Variants in SBF1 observed in about 807,000 individuals in gnomAD.
SBF1 encodes the protein SET binding factor 1.
In SBF1, 65 loss-of-function variants were observed where a neutral mutation model predicts 215.8. The ratio of observed to expected loss-of-function variants is 0.30; its 90% CI spans 0.25 to 0.37. The LOEUF is 0.37. Ranked by LOEUF, SBF1 falls within the 10% of genes least tolerant of loss-of-function variation. SBF1 has a pLI of 1.00. For synonymous variants in SBF1, 1,410 were observed against 1,122.8 expected (o/e 1.26, Z -5.11); for missense variants, 2,634 against 2,667.8 (o/e 0.99, Z 0.28).
chr22:50,474,703 G>GCCCTCGA (rs1448760028), intron 1 of SBF1, 83 bp downstream of exon 1: 8 of 1,186,402 alleles, frequency 6.7e-6, no homozygotes, highest in Middle Eastern at 5.9e-4. Flanking sequence ...CCAGCCCCCG[G>GCCCTCGA]CCCTCGACCC....
rs766945594 is a variant in SBF1 at position 50,462,736 on chromosome 22, A to G, written c.1969-19T>C. ...TCAGCTTCTGCAGGAGCCAGGGGAG[A>G]AGGTCAGCTGGATGCAGCCAGGAAG... On this transcript the variant is annotated intron_variant, in intron 17 of 40. Transcript: ENST00000380817. 1.9e-6 allele frequency: 3 copies of G among 1,610,418 alleles called. No individual in the cohort carries two copies. The highest frequency in any genetic ancestry group is 2.5e-6 in the Non-Finnish European group (3 of 1,178,602).
At chr22:50,459,035 CAGG>C (rs796603046) in intron 28 of SBF1, among the ~76,000 whole-genome samples, 2 of 152,164 alleles carry the variant, frequency 1.3e-5, no homozygotes, top group Non-Finnish European at 2.9e-5. Flanking sequence ...TCAGGGCGGG[CAGG>C]AGGTCAGGGC....
At chr22:50,451,007 G>A (rs950673525) in intron 36 of SBF1, among the ~76,000 whole-genome samples, 1 of 151,952 alleles carries the variant, frequency 6.6e-6, no homozygotes, top group African/African-American at 2.4e-5. Flanking sequence ...TTTATCAGAT[G>A]GGGAATCTCT....
chr22:50,464,309 G>A lies in SBF1; in HGVS notation c.1749+20C>T, dbSNP rs767062628. 2.2e-5 allele frequency: 35 copies of A among 1,595,214 alleles called. No homozygotes were observed. Among genetic ancestry groups the A allele is most frequent in the Non-Finnish European group, 2.9e-5 (34 of 1,165,128 alleles). The stretch of plus-strand genomic sequence containing the variant: ...TGAAACCCGCTGCCCTGGCCCGGCT[G>A]GAGCCTGCACAGCCCTCACCTTCTT... On this transcript the variant is annotated intron_variant, in intron 15 of 40. Coordinates refer to ENST00000380817, the MANE Select transcript of SBF1 (RefSeq NM_002972.4).
At position 50,461,932 on chromosome 22, in the gene SBF1, C is replaced by T. The variant is rs756741514; in HGVS notation, c.2569+15G>A. 8.1e-6 allele frequency: 13 copies of T among 1,613,900 alleles called. No homozygotes were observed. The highest frequency in any genetic ancestry group is 1.0e-5 in the Non-Finnish European group (12 of 1,179,892). ...CACCCATCCAAGGGGGAATCACCAG[C>T]CCAAACCCCCGTACCTGGCACCATG... On this transcript the variant is annotated intron_variant, in intron 20 of 40. Transcript: ENST00000380817.
chr22:50,468,357 C>T lies in SBF1; in HGVS notation c.141+19G>A, dbSNP rs1443266856. 6.2e-7 allele frequency: 1 copy of T among 1,610,468 alleles called. No homozygotes were observed. Among genetic ancestry groups the T allele is most frequent in the Admixed American group, 1.7e-5 (1 of 59,904 alleles). Reference sequence around the variant, plus strand: ...CCCTCCCCACCTGCCAGCACCGTCTCAGCACGCCCCCAACTCACCAGCTCG... The same window carrying T: ...CCCTCCCCACCTGCCAGCACCGTCTTAGCACGCCCCCAACTCACCAGCTCG... On this transcript the variant is annotated intron_variant, in intron 2 of 40. Coordinates refer to ENST00000380817, the MANE Select transcript of SBF1 (RefSeq NM_002972.4).
chr22:50,471,278 C>T (rs12484202), intron 1 of SBF1, among the ~76,000 whole-genome samples: 76 of 152,350 alleles, frequency 5.0e-4, no homozygotes, highest in Admixed American at 4.1e-3. Flanking sequence ...AGAGCACTCC[C>T]TCCTGCACCA....
At chr22:50,456,424 G>C (rs768116434) in intron 30 of SBF1, 29 bp from the exon 31 acceptor site, 1 of 1,606,488 alleles carries the variant, frequency 6.2e-7, no homozygotes. Context: ...AGTCCCGTGA[G>C]ACACATGAGG....
Position 50,448,573 on chromosome 22 carries a change from T to C in SBF1, c.5121A>G (p.Ala1707=). Reference sequence around the variant, plus strand: ...CGTCTGGCCGGCCCTCGAGGCGCTGTGCAGCCTTCACCCGGTCCCAGGTGT... The same window carrying C: ...CGTCTGGCCGGCCCTCGAGGCGCTGCGCAGCCTTCACCCGGTCCCAGGTGT... ...WKDTWDRVKA[A]QRLEGRPDGR... The change falls in exon 37 of 41, where the codon GCA becomes GCG. Residue 1707 remains alanine, a synonymous_variant. Coordinates refer to ENST00000380817, the MANE Select transcript of SBF1 (RefSeq NM_002972.4). The C allele has an allele frequency of 6.2e-7, 1 of 1,612,148 alleles. No homozygotes were observed. Among genetic ancestry groups the C allele is most frequent in the Non-Finnish European group, 8.5e-7 (1 of 1,179,998 alleles).
chr22:50,453,604 G>T (rs537645098), intron 36 of SBF1, among the ~76,000 whole-genome samples: 2 of 152,074 alleles, frequency 1.3e-5, no homozygotes, highest in Non-Finnish European at 2.9e-5. Flanking sequence ...TGGCTAACAC[G>T]GTAAAACCCC....
chr22:50,451,166 CAAAAAAAAAAAAA>C (rs58188399), intron 36 of SBF1, among the ~76,000 whole-genome samples: 3 of 83,178 alleles, frequency 3.6e-5, no homozygotes, highest in East Asian at 4.0e-4. Context: ...CCCATCTCTA[CAAAAAAAAAAAAA>C]AAAAAAAAAA....
Position 50,456,239 on chromosome 22 carries a change from C to T in SBF1, c.4243G>A (p.Glu1415Lys). The change falls in exon 31 of 41, where the codon GAG becomes AAG. Residue 1415 changes from glutamate to lysine, a missense_variant. Physicochemically the swap from Glu to Lys is moderately conservative, Grantham distance 56. Coordinates refer to ENST00000380817, the MANE Select transcript of SBF1 (RefSeq NM_002972.4). ...PSPASFLRSL[E>K]DSEWLIQIHK... ...ACCTGGATCAGCCACTCTGAGTCCT[C>T]CAGTGAGCGCAGGAAGGAGGCTGGG... The T allele has an allele frequency of 6.2e-7, 1 of 1,612,230 alleles. No individual in the cohort carries two copies.
chr22:50,473,047 C>T (rs1244565863), intron 1 of SBF1, among the ~76,000 whole-genome samples: 4 of 152,198 alleles, frequency 2.6e-5, no homozygotes, highest in African/African-American at 9.7e-5. Flanking sequence ...GCCTGCACTA[C>T]GTGTGGCTCC....
At position 50,446,515 on chromosome 22, in the gene SBF1, T is replaced by G. The variant is rs901676557; in HGVS notation, c.*627A>C. 5.7e-5 allele frequency: 14 copies of G among 245,192 alleles called. No homozygotes were observed. Among genetic ancestry groups the G allele is most frequent in the African/African-American group, 3.2e-4 (14 of 44,166 alleles). 15.2% of individuals were successfully genotyped at this position (245,192 alleles called of 1,614,324 possible). A position where few individuals can be genotyped will look rare whatever the true frequency, so the allele number is the denominator to read the frequency against. On this transcript the variant is annotated 3_prime_UTR_variant, in exon 41 of 41. Coordinates refer to ENST00000380817, the MANE Select transcript of SBF1 (RefSeq NM_002972.4). The stretch of plus-strand genomic sequence containing the variant: ...AGCCTCTGTGAGGTCAGCTTCTGCA[T>G]CCCCTGGGTAGGGATGGGGGCTTCC...
chr22:50,454,553 A>G lies in SBF1; in HGVS notation c.5002T>C (p.Cys1668Arg). ...ATGGCGTCAGGCTGGGCCCGCGGGC[A>G]GCTGTCGTAACAGGGCCACACCACG... Reference protein sequence around the residue: ...RRVVWPCYDSCPRAQPDAISR... With the variant: ...RRVVWPCYDSRPRAQPDAISR... Residue 1668 changes from cysteine to arginine, a missense_variant, in exon 36 of 41, where the codon TGC (cysteine) becomes CGC (arginine). Coordinates refer to ENST00000380817, the MANE Select transcript of SBF1 (RefSeq NM_002972.4). 6 of 1,611,426 alleles carry G rather than the reference A, an allele frequency of 3.7e-6. No individual in the cohort carries two copies. Among genetic ancestry groups the G allele is most frequent in the Non-Finnish European group, 5.1e-6 (6 of 1,179,894 alleles).
chr22:50,446,734 A>C lies in SBF1; in HGVS notation c.*408T>G. On this transcript the variant is annotated 3_prime_UTR_variant, in exon 41 of 41. Transcript: ENST00000380817. Reference sequence around the variant, plus strand: ...AACCTCCCGCCAGGTGGGCCTGGATAGGGGCAGATGGGACCCTCTGGGTAG... The same window carrying C: ...AACCTCCCGCCAGGTGGGCCTGGATCGGGGCAGATGGGACCCTCTGGGTAG... The C allele has an allele frequency of 2.2e-6, 1 of 461,972 alleles. No individual in the cohort carries two copies. The allele number at this position is 461,972 out of a possible 1,614,324, so 28.6% of individuals were successfully genotyped here.
Position 50,474,745 on chromosome 22 carries a change from CCCTCGGCCCCCGGCCCTCAGCGCTTGG to C in SBF1, c.55+14_55+40del. On this transcript the variant is annotated intron_variant, in intron 1 of 40. Coordinates refer to ENST00000380817, the MANE Select transcript of SBF1 (RefSeq NM_002972.4). ...CCAGCCCCTGGCCCTCAGCACTCGA[CCCTCGGCCCCCGGCCCTCAGCGCTTGG>C]CCTCGGCACTCACCGCGCGGGTGCG... is the stretch of plus-strand genomic sequence containing the variant. 1 of 1,451,360 alleles carries C rather than the reference CCCTCGGCCCCCGGCCCTCAGCGCTTGG, an allele frequency of 6.9e-7. No homozygotes were observed. Among genetic ancestry groups the C allele is most frequent in the Non-Finnish European group, 9.1e-7 (1 of 1,102,200 alleles). The allele number at this position is 1,451,360 out of a possible 1,614,324, so 89.9% of individuals were successfully genotyped here. A position where few individuals can be genotyped will look rare whatever the true frequency, so the allele number is the denominator to read the frequency against.
intron 23 of SBF1, 58 bp from the exon 24 acceptor site, chr22:50,460,770 C>A: frequency 2.6e-6 from 4 of 1,545,734 alleles, no homozygotes; most frequent in Non-Finnish European, 3.5e-6. Flanking sequence ...CCTCCCCCAA[C>A]TCTGACACTG....
intron 28 of SBF1, among the ~76,000 whole-genome samples, chr22:50,458,564 T>C (rs748943726): frequency 6.6e-6 from 1 of 152,054 alleles, no homozygotes; most frequent in Non-Finnish European, 1.5e-5. Flanking sequence ...GATTGTAAAA[T>C]GTAAGTATAT....
Sources: gnomAD v4.1 joint callset for allele counts (sites outside exome capture counted in the v4.1 genomes callset) on GRCh38, gnomAD v4.1.1 for gene constraint, MANE v1.5 for transcripts, NCBI Gene and HGNC (gene_info 2026-07-23, HGNC 2026-07-21) for gene names.